KDM4C: variants seen among roughly 807,000 people sequenced by gnomAD.
KDM4C encodes lysine-specific demethylase 4C.
A neutral mutation model predicts 129.3 loss-of-function variants in KDM4C; 81 were observed. The ratio of observed to expected loss-of-function variants is 0.63; its 90% CI spans 0.52 to 0.75. The LOEUF (loss-of-function observed/expected upper bound fraction) is 0.75, where lower values mean the gene tolerates loss of function less well. Among genes scored for constraint, KDM4C ranks in the 30% least tolerant of loss-of-function variants. The pLI, the probability that KDM4C is intolerant of heterozygous loss-of-function variation, is 0.00. For synonymous variants in KDM4C, 573 were observed against 456.1 expected (o/e 1.26, Z -3.26); for missense variants, 1,457 against 1,304.0 (o/e 1.12, Z -1.81).
At chr9:6,787,669 C>G (rs970083289) in intron 1 of KDM4C, among the ~76,000 whole-genome samples, 56 of 152,200 alleles carry the variant, frequency 3.7e-4, no homozygotes, top group African/African-American at 1.3e-3. Flanking sequence ...TCCAAGCTGC[C>G]GTCTTAACTT....
At chr9:6,835,032 C>G (rs775860839) in intron 4 of KDM4C, 6 of 943,030 alleles carry the variant, frequency 6.4e-6, no homozygotes, top group Non-Finnish European at 1.1e-5. Flanking sequence ...AGATCCTTAC[C>G]GAGCGTGGCT....
intron 12 of KDM4C, among the ~76,000 whole-genome samples, chr9:7,005,433 C>T: frequency 1.4e-5 from 1 of 71,608 alleles, no homozygotes; most frequent in Admixed American, 1.5e-4. Flanking sequence ...GAAACTCTGT[C>T]TCAAAAAAAA....
intron 15 of KDM4C, among the ~76,000 whole-genome samples, chr9:7,041,086 A>G (rs1028270518): frequency 1.3e-5 from 2 of 150,190 alleles, no homozygotes; most frequent in African/African-American, 4.9e-5. Context: ...TTTCAATTCT[A>G]TACATATGGC....
chr9:6,975,496 C>T (rs1832766278), intron 8 of KDM4C, among the ~76,000 whole-genome samples: 1 of 152,180 alleles, frequency 6.6e-6, no homozygotes, highest in African/African-American at 2.4e-5. Flanking sequence ...AGCAAAGTCT[C>T]TGTTACTTAT....
rs529988466 is a variant in KDM4C at position 6,784,598 on chromosome 9, T to C, written c.-17-8374T>C. 9.2e-5 allele frequency among the ~76,000 whole-genome samples: 14 copies of C among 152,326 alleles called. No individual in the cohort carries two copies. In the South Asian group the frequency reaches 2.9e-3, roughly 32 times the overall value. ...CCTTTTGGTCTAGGATCCAAGGCACTCTGTTCCAGAACTATCTCCTTGAGT... is the reference window on the plus strand; with the variant it reads ...CCTTTTGGTCTAGGATCCAAGGCACCCTGTTCCAGAACTATCTCCTTGAGT... On this transcript the variant is annotated intron_variant, in intron 1 of 21. Coordinates refer to ENST00000381309, the MANE Select transcript of KDM4C (RefSeq NM_015061.6).
intron 8 of KDM4C, among the ~76,000 whole-genome samples, chr9:6,895,507 A>G (rs1474221434): frequency 5.3e-5 from 8 of 152,174 alleles, no homozygotes; most frequent in African/African-American, 1.9e-4. Flanking sequence ...AGCGCATTCA[A>G]AGATCTCTGG....
chr9:6,907,421 C>A (rs965701858), intron 8 of KDM4C, among the ~76,000 whole-genome samples: 4 of 151,996 alleles, frequency 2.6e-5, no homozygotes, highest in African/African-American at 7.2e-5. Context: ...ATTTAAAATT[C>A]AGTAAAATTA....
At chr9:6,959,675 T>C (rs1028324802) in intron 8 of KDM4C, among the ~76,000 whole-genome samples, 4 of 152,198 alleles carry the variant, frequency 2.6e-5, no homozygotes, top group Admixed American at 2.0e-4. Flanking sequence ...AGTATGTGAA[T>C]TGTAGTATAT....
At chr9:7,108,357 C>T (rs1055011962) in intron 18 of KDM4C, among the ~76,000 whole-genome samples, 1 of 152,122 alleles carries the variant, frequency 6.6e-6, no homozygotes, top group East Asian at 1.9e-4. Flanking sequence ...CCACCTTTGC[C>T]TCCCAAGTAG....
At chr9:6,817,974 C>A (rs984972399) in intron 4 of KDM4C, among the ~76,000 whole-genome samples, 1 of 151,868 alleles carries the variant, frequency 6.6e-6, no homozygotes, top group African/African-American at 2.4e-5. Flanking sequence ...ACCATCTTGG[C>A]CAGGTTGGTC....
chr9:6,950,791 C>T (rs1828002275), intron 8 of KDM4C, among the ~76,000 whole-genome samples: 1 of 152,160 alleles, frequency 6.6e-6, no homozygotes, highest in African/African-American at 2.4e-5. Context: ...TAAGGAGGTG[C>T]ATATGCCTTT....
rs1253435909 is a variant in KDM4C, at chr9:7,122,263, ACACT to A, written c.2611-5801_2611-5798del. Among the ~76,000 whole-genome samples the A allele has an allele frequency of 6.9e-5, 10 of 145,044 alleles. No individual in the cohort carries two copies. In the South Asian group the frequency reaches 2.2e-3, roughly 32 times the overall value. On this transcript the variant is annotated intron_variant, in intron 18 of 21. Transcript: ENST00000381309. ...GCCACACACACACACACACACACAC[ACACT>A]CTCTCTCTCTCTCTCTCTTAAACAG...
intron 17 of KDM4C, among the ~76,000 whole-genome samples, chr9:7,067,617 A>G (rs1832605987): frequency 6.6e-6 from 1 of 151,830 alleles, no homozygotes; most frequent in Non-Finnish European, 1.5e-5. Context: ...TCATGTTAAG[A>G]CTCTTGGTCT....
intron 2 of KDM4C, among the ~76,000 whole-genome samples, chr9:6,804,050 T>A (rs2131003365): frequency 6.6e-6 from 1 of 152,330 alleles, no homozygotes; most frequent in East Asian, 1.9e-4. Flanking sequence ...CTAGAACTCC[T>A]GGCCTCAAGT....
intron 19 of KDM4C, among the ~76,000 whole-genome samples, chr9:7,153,530 A>G (rs959746780): frequency 1.3e-5 from 2 of 152,174 alleles, no homozygotes; most frequent in African/African-American, 2.4e-5. Context: ...AGATGCTTCC[A>G]TCAATATGCT....
At chr9:6,885,628 A>G (rs1385166016) in intron 6 of KDM4C, among the ~76,000 whole-genome samples, 1 of 152,088 alleles carries the variant, frequency 6.6e-6, no homozygotes, top group Non-Finnish European at 1.5e-5. Context: ...GACAAAAAAA[A>G]AAAAAAGGCA....
At chr9:6,743,266 C>T (rs1258939724) in intron 1 of KDM4C, among the ~76,000 whole-genome samples, 1 of 152,162 alleles carries the variant, frequency 6.6e-6, no homozygotes, top group African/African-American at 2.4e-5. Context: ...TTTACCCCTT[C>T]AACGACATCA....
chr9:6,915,120 G>C (rs567472274), intron 8 of KDM4C, among the ~76,000 whole-genome samples: 1 of 152,240 alleles, frequency 6.6e-6, no homozygotes, highest in African/African-American at 2.4e-5. Context: ...TGCTTTTTTA[G>C]TTTGGAAAAA....
rs188985531 is a variant in KDM4C, at chr9:6,845,220, G to A, written c.436-4287G>A. ...TTGAAGATTTAGGAATGCATTGATT[G>A]ATTGACTGATTGAGACAGGGTCTTG... On this transcript the variant is annotated intron_variant, in intron 4 of 21. Coordinates refer to ENST00000381309, the MANE Select transcript of KDM4C (RefSeq NM_015061.6). 1.1e-4 allele frequency among the ~76,000 whole-genome samples: 16 copies of A among 152,222 alleles called. No individual in the cohort carries two copies. The East Asian group carries it at 3.1e-3, about 29-fold the overall frequency.
Sources: gnomAD v4.1 joint callset for allele counts (sites outside exome capture counted in the v4.1 genomes callset) on GRCh38, gnomAD v4.1.1 for gene constraint, MANE v1.5 for transcripts, NCBI Gene and HGNC (gene_info 2026-07-23, HGNC 2026-07-21) for gene names.